The following GLIPR1L2 variants were observed in gnomAD, a reference collection of about 807,000 sequenced individuals.
GLIPR1L2 encodes the protein GLIPR1-like protein 2.
In GLIPR1L2, 21 loss-of-function variants were observed where a neutral mutation model predicts 28.4. The observed-to-expected ratio is 0.74, with a 90% CI of 0.52 to 1.06. GLIPR1L2 has a LOEUF of 1.06. Among genes scored for constraint, GLIPR1L2 ranks in the 50% least tolerant of loss-of-function variants. The pLI, the probability that GLIPR1L2 is intolerant of heterozygous loss-of-function variation, is 0.00. For synonymous variants in GLIPR1L2, 145 were observed against 139.3 expected (o/e 1.04, Z -0.29); for missense variants, 476 against 416.9 (o/e 1.14, Z -1.23).
chr12:75,428,194 C>G (rs1249686242), intron 4 of GLIPR1L2, among the ~76,000 whole-genome samples: 1 of 152,116 alleles, frequency 6.6e-6, no homozygotes, highest in Non-Finnish European at 1.5e-5. Flanking sequence ...GAAATCCAGG[C>G]TGAGGTGGTC....
intron 3 of GLIPR1L2, among the ~76,000 whole-genome samples, chr12:75,422,412 C>T (rs1481247735): frequency 6.6e-6 from 1 of 151,806 alleles, no homozygotes; most frequent in Non-Finnish European, 1.5e-5. Flanking sequence ...ACGCCATTCT[C>T]CTGCCTCAGC....
At chr12:75,404,447 G>A (rs945920775) in intron 1 of GLIPR1L2, among the ~76,000 whole-genome samples, 1 of 152,000 alleles carries the variant, frequency 6.6e-6, no homozygotes. Flanking sequence ...GTTTAGTAAT[G>A]TTGGTTTAAT....
At chr12:75,393,601 T>C (rs2045653368) in intron 1 of GLIPR1L2, among the ~76,000 whole-genome samples, 1 of 152,154 alleles carries the variant, frequency 6.6e-6, no homozygotes, top group South Asian at 2.1e-4. Flanking sequence ...TGAATAATAT[T>C]CTACTGTATG....
At chr12:75,408,734 A>G (rs747884468) in intron 1 of GLIPR1L2, among the ~76,000 whole-genome samples, 5 of 152,028 alleles carry the variant, frequency 3.3e-5, no homozygotes, top group East Asian at 1.9e-4. Context: ...CTTTCTCTAC[A>G]TGCAAACTGA....
intron 2 of GLIPR1L2, among the ~76,000 whole-genome samples, chr12:75,412,630 CA>C (rs2045880740): frequency 6.6e-6 from 1 of 152,072 alleles, no homozygotes; most frequent in South Asian, 2.1e-4. Context: ...AAATGCAAAT[CA>C]AAACCACAAT....
At chr12:75,422,836 A>G in intron 3 of GLIPR1L2, 68 bp from the exon 4 acceptor site, 1 of 1,285,764 alleles carries the variant, frequency 7.8e-7, no homozygotes, top group Non-Finnish European at 1.1e-6. Context: ...TAGTAACTAT[A>G]TTATTTAAAT....
chr12:75,413,654 T>C lies in GLIPR1L2; in HGVS notation c.537T>C (p.Ile179=). The C allele has an allele frequency of 4.5e-6, 7 of 1,568,096 alleles. No individual in the cohort carries two copies. Among genetic ancestry groups the C allele is most frequent in the Non-Finnish European group, 6.0e-6 (7 of 1,160,624 alleles). Reference sequence around the variant, plus strand: ...GTGCTGTTACTCCATGTTCAAAAATTGGACATATTATACATGCAGCAATTT... The same window carrying C: ...GTGCTGTTACTCCATGTTCAAAAATCGGACATATTATACATGCAGCAATTT... ...VGCAVTPCSK[I]GHIIHAAIFI... is the part of the protein sequence containing the mutation. Residue 179 remains isoleucine, a synonymous_variant, in exon 3 of 6, where the codon ATT becomes ATC. Transcript: ENST00000550916.
rs547320911 is a variant in GLIPR1L2 at position 75,391,203 on chromosome 12, T to A, written c.87T>A (p.Cys29Ter). The A allele has an allele frequency of 7.4e-6, 12 of 1,613,896 alleles. No individual in the cohort carries two copies. The highest frequency in any genetic ancestry group is 4.4e-5 in the South Asian group (4 of 91,080). The change falls in exon 1 of 6, where the codon TGT becomes TGA. Residue 29 changes from cysteine (C) to a stop codon, truncating the protein, a stop_gained. Transcript: ENST00000550916. LOFTEE classifies it high-confidence loss of function. ...GGGGCGTTTTGAAGCTGCGGCTCTG[T>A]GAGCTGTGGCTACTGCTACTGGGTT... ...AVGGVLKLRL[C>*]ELWLLLLGSS...
At chr12:75,413,472 A>G in intron 2 of GLIPR1L2, 126 bp from the exon 3 acceptor site, 1 of 586,784 alleles carries the variant, frequency 1.7e-6, no homozygotes, top group Non-Finnish European at 3.0e-6. Context: ...CTCTAAATGA[A>G]AATAGTTTAT....
chr12:75,423,498 A>G, intron 4 of GLIPR1L2: 1 of 800,788 alleles, frequency 1.2e-6, no homozygotes, highest in Non-Finnish European at 1.5e-6. Context: ...GTATAACTGT[A>G]GCTAAAATAT....
At chr12:75,416,479 G>A (rs1020386740) in intron 3 of GLIPR1L2, among the ~76,000 whole-genome samples, 3 of 152,072 alleles carry the variant, frequency 2.0e-5, no homozygotes, top group African/African-American at 2.4e-5. Flanking sequence ...AGCTAGTAAA[G>A]GAGAATGAAG....
intron 1 of GLIPR1L2, among the ~76,000 whole-genome samples, chr12:75,400,887 CA>C (rs1453114028): frequency 6.6e-6 from 1 of 151,100 alleles, no homozygotes; most frequent in Non-Finnish European, 1.5e-5. Context: ...AATGGGCAAA[CA>C]AAACATCAAA....
chr12:75,427,836 C>T (rs2046049712), intron 4 of GLIPR1L2, among the ~76,000 whole-genome samples: 1 of 152,136 alleles, frequency 6.6e-6, no homozygotes, highest in South Asian at 2.1e-4. Flanking sequence ...GTAAGATGTG[C>T]CTTGCTTCCC....
chr12:75,391,177 G>T lies in GLIPR1L2; in HGVS notation c.61G>T (p.Gly21Trp). ...GGCCCAGTCCCTACCCCTGGCAGTA[G>T]GGGGCGTTTTGAAGCTGCGGCTCTG... ...WRAQSLPLAV[G>W]GVLKLRLCEL... Residue 21 changes from glycine to tryptophan, a missense_variant, in exon 1 of 6, where the codon GGG (glycine) becomes TGG (tryptophan). Physicochemically the swap from Gly to Trp is radical, Grantham distance 184. Transcript: ENST00000550916. The T allele has an allele frequency of 6.2e-7, 1 of 1,614,222 alleles. No homozygotes were observed. Among genetic ancestry groups the T allele is most frequent in the East Asian group, 2.2e-5 (1 of 44,880 alleles).
At position 75,391,350 on chromosome 12, in the gene GLIPR1L2, G is replaced by A; in HGVS notation, c.234G>A (p.Met78Ile). The change falls in exon 1 of 6, where the codon ATG (methionine) becomes ATA (isoleucine). Residue 78 changes from methionine to isoleucine, a missense_variant and splice_region_variant. Met to Ile is a conservative substitution (Grantham distance 10, BLOSUM62 1). Transcript: ENST00000550916. ...VIPRGSNLRF[M>I]TWDVALSRTA... ...CCCGAGGGTCTAACTTGCGCTTCAT[G>A]GTGAGGCCGGAAGGCGGTTTGCCGA... is the stretch of plus-strand genomic sequence containing the variant. 2 of 1,613,672 alleles carry A rather than the reference G, an allele frequency of 1.2e-6. No homozygotes were observed. The highest frequency in any genetic ancestry group is 1.7e-6 in the Non-Finnish European group (2 of 1,179,530).
chr12:75,416,478 A>G (rs2045924795), intron 3 of GLIPR1L2, among the ~76,000 whole-genome samples: 1 of 152,096 alleles, frequency 6.6e-6, no homozygotes, highest in South Asian at 2.1e-4. Context: ...GAGCTAGTAA[A>G]GGAGAATGAA....
At position 75,391,108 on chromosome 12, in the gene GLIPR1L2, C is replaced by T. The variant is rs562714429; in HGVS notation, c.-9C>T. 33 of 1,602,872 alleles carry T rather than the reference C, an allele frequency of 2.1e-5. No homozygotes were observed. Among genetic ancestry groups the T allele is most frequent in the Non-Finnish European group, 2.6e-5 (30 of 1,171,298 alleles). Reference sequence around the variant, plus strand: ...GCGTGCGCACTGGCCTGTCAGCGGCCGGTGGACCATGGAGGCCGCAAGGCC... The same window carrying T: ...GCGTGCGCACTGGCCTGTCAGCGGCTGGTGGACCATGGAGGCCGCAAGGCC... On this transcript the variant is annotated 5_prime_UTR_variant, in exon 1 of 6. Coordinates refer to ENST00000550916, the MANE Select transcript of GLIPR1L2 (RefSeq NM_001270396.2).
At chr12:75,411,368 G>C (rs934381409) in intron 2 of GLIPR1L2, among the ~76,000 whole-genome samples, 6 of 151,908 alleles carry the variant, frequency 3.9e-5, no homozygotes, top group Admixed American at 2.6e-4. Context: ...TTACTTAAAA[G>C]TTATTCAATC....
intron 1 of GLIPR1L2, among the ~76,000 whole-genome samples, chr12:75,393,246 C>T (rs1367378321): frequency 1.3e-5 from 2 of 152,058 alleles, no homozygotes; most frequent in African/African-American, 2.4e-5. Flanking sequence ...ATATACAGGA[C>T]ATAACATTTA....
Sources: allele counts gnomAD v4.1 joint callset (sites outside exome capture counted in the v4.1 genomes callset), GRCh38; gene constraint gnomAD v4.1.1; transcripts MANE v1.5; gene names NCBI Gene and HGNC (gene_info 2026-07-23, HGNC 2026-07-21).